The following MECOM variants were observed in gnomAD, a reference collection of about 807,000 sequenced individuals.
The protein encoded by MECOM is MDS1 and EVI1 complex locus.
A neutral mutation model predicts 116.3 loss-of-function variants in MECOM; 13 were observed. The ratio of observed to expected loss-of-function variants is 0.11; its 90% confidence interval spans 0.07 to 0.18. The LOEUF is 0.18. MECOM is among the 10% of genes least tolerant of loss of function. The pLI is 1.00. For synonymous variants in MECOM, 528 were observed against 535.2 expected (o/e 0.99, Z 0.19); for missense variants, 1,299 against 1,509.0 (o/e 0.86, Z 2.31).
At chr3:169,146,688 A>G in intron 2 of MECOM, 3 of 1,294,294 alleles carry the variant, frequency 2.3e-6, no homozygotes, top group Non-Finnish European at 3.0e-6. Flanking sequence ...CATCGCCCAG[A>G]CTTTTTTTCC....
intron 2 of MECOM, among the ~76,000 whole-genome samples, chr3:169,338,320 G>A (rs910397405): frequency 6.6e-6 from 1 of 152,068 alleles, no homozygotes; most frequent in South Asian, 2.1e-4. Flanking sequence ...TAGCACCTCC[G>A]CCTTACAGAG....
chr3:169,338,328 G>A (rs1040429702), intron 2 of MECOM, among the ~76,000 whole-genome samples: 3 of 152,118 alleles, frequency 2.0e-5, no homozygotes, highest in African/African-American at 7.2e-5. Context: ...CCGCCTTACA[G>A]AGTGTAATAA....
chr3:169,461,469 A>G (rs1747429453), intron 1 of MECOM, among the ~76,000 whole-genome samples: 1 of 152,186 alleles, frequency 6.6e-6, no homozygotes, highest in Non-Finnish European at 1.5e-5. Context: ...CCGCTTATAC[A>G]GAATCTTTAT....
intron 2 of MECOM, among the ~76,000 whole-genome samples, chr3:169,248,796 G>C (rs1210828265): frequency 6.6e-6 from 1 of 152,152 alleles, no homozygotes; most frequent in Non-Finnish European, 1.5e-5. Context: ...CATGTAAGTA[G>C]GGCATAGTAA....
At chr3:169,312,365 AT>A (rs367932449) in intron 2 of MECOM, among the ~76,000 whole-genome samples, 9,157 of 118,384 alleles carry the variant, frequency 0.077, 283 homozygotes, top group Middle Eastern at 0.11. Flanking sequence ...AATGACTGCA[AT>A]TTTTTTTTTT....
At chr3:169,581,581 T>C (rs1765128623) in intron 1 of MECOM, among the ~76,000 whole-genome samples, 1 of 152,182 alleles carries the variant, frequency 6.6e-6, no homozygotes, top group Admixed American at 6.5e-5. Flanking sequence ...GTTGTTTCAA[T>C]CAGTACCAGA....
At chr3:169,554,638 A>T (rs1299494083) in intron 1 of MECOM, among the ~76,000 whole-genome samples, 1 of 152,246 alleles carries the variant, frequency 6.6e-6, no homozygotes, top group African/African-American at 2.4e-5. Context: ...ATGCAAGGAC[A>T]TAAAAACCAG....
intron 1 of MECOM, among the ~76,000 whole-genome samples, chr3:169,502,520 C>A (rs577466068): frequency 1.3e-5 from 2 of 152,066 alleles, no homozygotes; most frequent in Admixed American, 6.5e-5. Context: ...CAACCAGAGA[C>A]CCCTAAAAAC....
At chr3:169,252,742 C>T (rs1049147885) in intron 2 of MECOM, among the ~76,000 whole-genome samples, 1 of 152,084 alleles carries the variant, frequency 6.6e-6, no homozygotes, top group Non-Finnish European at 1.5e-5. Context: ...CACCACATGT[C>T]GAATTCAGGT....
At chr3:169,486,225 C>T (rs1181292561) in intron 1 of MECOM, among the ~76,000 whole-genome samples, 1 of 151,508 alleles carries the variant, frequency 6.6e-6, no homozygotes, top group African/African-American at 2.4e-5. Flanking sequence ...GAAAGCACTT[C>T]TCCACAATGC....
intron 1 of MECOM, among the ~76,000 whole-genome samples, chr3:169,507,633 GTTTAAATCCCCACTTGCTTTTTTTTT>G (rs1755398632): frequency 8.3e-6 from 1 of 119,912 alleles, no homozygotes; most frequent in Non-Finnish European, 1.8e-5. Context: ...ACCAATTTTG[GTTTAAATCCCCACTTGCTTTTTTTTT>G]TTTTTTTTTT....
intron 1 of MECOM, among the ~76,000 whole-genome samples, chr3:169,640,981 C>T (rs1343516298): frequency 6.6e-6 from 1 of 152,180 alleles, no homozygotes; most frequent in African/African-American, 2.4e-5. Flanking sequence ...AGCCTTTGGC[C>T]ACCCACCTGA....
chr3:169,335,437 G>T (rs1183863057), intron 2 of MECOM, among the ~76,000 whole-genome samples: 1 of 152,006 alleles, frequency 6.6e-6, no homozygotes, highest in Non-Finnish European at 1.5e-5. Flanking sequence ...TCCCTCTATG[G>T]CTCTCCTTCA....
At chr3:169,406,812 A>AT (rs1004389417) in intron 1 of MECOM, among the ~76,000 whole-genome samples, 2 of 150,748 alleles carry the variant, frequency 1.3e-5, no homozygotes, top group African/African-American at 4.9e-5. Flanking sequence ...TTCTCATATT[A>AT]TTCTATTTCA....
At chr3:169,100,101 C>CTTTTTTTTTTT (rs869032341) in intron 12 of MECOM, among the ~76,000 whole-genome samples, 13 of 50,636 alleles carry the variant, frequency 2.6e-4, no homozygotes, top group South Asian at 8.4e-4. Flanking sequence ...TTCTTTCTTT[C>CTTTTTTTTTTT]TTTTTTTTTT....
At chr3:169,624,757 A>C (rs1011853907) in intron 1 of MECOM, among the ~76,000 whole-genome samples, 2 of 152,148 alleles carry the variant, frequency 1.3e-5, no homozygotes, top group African/African-American at 4.8e-5. Context: ...GTTTTCCCAG[A>C]CCAAACATGG....
At chr3:169,279,723 T>C (rs1266549607) in intron 2 of MECOM, among the ~76,000 whole-genome samples, 1 of 152,246 alleles carries the variant, frequency 6.6e-6, no homozygotes, top group East Asian at 1.9e-4. Flanking sequence ...GTTTTTAACA[T>C]CTTGCCCAAT....
chr3:169,107,317 C>T (rs1725755860), intron 10 of MECOM, among the ~76,000 whole-genome samples: 1 of 152,104 alleles, frequency 6.6e-6, no homozygotes, highest in Admixed American at 6.6e-5. Flanking sequence ...AAAAATAAAG[C>T]TATCCCCTAA....
At chr3:169,287,754 G>T (rs111606395) in intron 2 of MECOM, among the ~76,000 whole-genome samples, 1 of 152,216 alleles carries the variant, frequency 6.6e-6, no homozygotes, top group Non-Finnish European at 1.5e-5. Context: ...ATATGCTTTG[G>T]TTTATGCAGG....
Sources: gnomAD v4.1 joint callset for allele counts (sites outside exome capture counted in the v4.1 genomes callset) on GRCh38, gnomAD v4.1.1 for gene constraint, MANE v1.5 for transcripts, NCBI Gene and HGNC (gene_info 2026-07-23, HGNC 2026-07-21) for gene names.